The following AFAP1 variants were observed in gnomAD, a reference collection of about 807,000 sequenced individuals.
AFAP1 encodes the protein actin filament associated protein 1.
AFAP1 carries 75 observed loss-of-function variants against 93.9 expected under a neutral mutation model. That is an observed-to-expected ratio of 0.80 (90% confidence interval 0.66 to 0.97). AFAP1 has a LOEUF of 0.97. Among genes scored for constraint, AFAP1 ranks in the 50% least tolerant of loss-of-function variants. The pLI, the probability that AFAP1 is intolerant of heterozygous loss-of-function variation, is 0.00. For synonymous variants in AFAP1, 517 were observed against 430.7 expected (o/e 1.20, Z -2.48); for missense variants, 1,201 against 1,050.8 (o/e 1.14, Z -1.98).
At chr4:7,922,757 G>C (rs1300337809) in intron 1 of AFAP1, among the ~76,000 whole-genome samples, 4 of 152,176 alleles carry the variant, frequency 2.6e-5, no homozygotes, top group Non-Finnish European at 4.4e-5. Flanking sequence ...GCTGAGGTGA[G>C]AGGACTGCTT....
intron 6 of AFAP1, among the ~76,000 whole-genome samples, chr4:7,831,095 G>A (rs947383638): frequency 6.6e-6 from 1 of 152,096 alleles, no homozygotes; most frequent in Admixed American, 6.6e-5. Flanking sequence ...CTGAATCACT[G>A]GGAATCAATG....
chr4:7,869,162 GGAAAA>G (rs367925076), intron 2 of AFAP1, among the ~76,000 whole-genome samples: 44 of 151,098 alleles, frequency 2.9e-4, no homozygotes, highest in African/African-American at 5.6e-4. Flanking sequence ...AAAGGGAAAG[GGAAAA>G]GAAAAGAAAA....
intron 7 of AFAP1, 105 bp downstream of exon 7, chr4:7,818,966 CTTTTT>C (rs76083938): frequency 1.9e-6 from 2 of 1,065,548 alleles, no homozygotes; most frequent in African/African-American, 1.6e-5. Context: ...TGCACTTTTT[CTTTTT>C]TAACTGGAAG....
chr4:7,775,086 A>G, intron 14 of AFAP1, 183 bp from the exon 15 acceptor site: 1 of 660,660 alleles, frequency 1.5e-6, no homozygotes, highest in Non-Finnish European at 2.5e-6. Flanking sequence ...GGCTGCAGTG[A>G]GCTGTGATCC....
chr4:7,917,061 T>C (rs1424166286), intron 1 of AFAP1, among the ~76,000 whole-genome samples: 1 of 152,254 alleles, frequency 6.6e-6, no homozygotes, highest in Non-Finnish European at 1.5e-5. Context: ...TGCTTCTCTC[T>C]ACTGCAATTC....
At chr4:7,774,039 G>A (rs1173267713) in intron 15 of AFAP1, 1 of 152,378 alleles carries the variant, frequency 6.6e-6, no homozygotes, top group African/African-American at 2.4e-5. Flanking sequence ...TAAGGAGCCA[G>A]TCTTCCGTAG....
intron 14 of AFAP1, chr4:7,778,484 A>C: frequency 2.0e-6 from 1 of 501,024 alleles, no homozygotes; most frequent in South Asian, 2.1e-5. Flanking sequence ...CCGGAGCTGC[A>C]AGAAACCTGC....
intron 17 of AFAP1, among the ~76,000 whole-genome samples, chr4:7,768,074 C>CA (rs1294835359): frequency 6.6e-6 from 1 of 152,020 alleles, no homozygotes; most frequent in South Asian, 2.1e-4. Context: ...GGCCCTGCCT[C>CA]AAAAAAAGAA....
At position 7,903,178 on chromosome 4, in the gene AFAP1, GATTC is replaced by G. The variant is rs368127735; in HGVS notation, c.-2-31102_-2-31099del. Among the ~76,000 whole-genome samples, 74 of 152,270 alleles carry G rather than the reference GATTC, an allele frequency of 4.9e-4. No individual in the cohort carries two copies. In the South Asian group the frequency reaches 0.015, roughly 32 times the overall value. ...AAGAATAAGGTTCTTTCAGCCAATT[GATTC>G]ATTCATTCATTCAACAAATATTGAC... On this transcript the variant is annotated intron_variant, in intron 1 of 17. Transcript: ENST00000420658.
chr4:7,841,605 A>C (rs933347405), intron 5 of AFAP1, among the ~76,000 whole-genome samples: 1 of 152,176 alleles, frequency 6.6e-6, no homozygotes, highest in Non-Finnish European at 1.5e-5. Flanking sequence ...TTAAACTTGG[A>C]AAGTATTTGC....
At chr4:7,789,680 C>T (rs1007500410) in intron 11 of AFAP1, among the ~76,000 whole-genome samples, 1 of 147,438 alleles carries the variant, frequency 6.8e-6, no homozygotes, top group African/African-American at 2.5e-5. Context: ...TCCTCTTTAT[C>T]CTCACCACCC....
At chr4:7,788,030 C>A (rs12505487) in intron 11 of AFAP1, among the ~76,000 whole-genome samples, 17,323 of 152,254 alleles carry the variant, frequency 0.11, 1,212 homozygotes, top group East Asian at 0.27. Context: ...GGCAACCGCC[C>A]TGCATCTGCG....
chr4:7,938,472 C>CT (rs1721521175), intron 1 of AFAP1, among the ~76,000 whole-genome samples: 1 of 152,128 alleles, frequency 6.6e-6, no homozygotes, highest in Non-Finnish European at 1.5e-5. Context: ...AGTGATTCCA[C>CT]TTTCTTTGGT....
In AFAP1 at chr4:7,898,839, C is replaced by G. The variant is rs866733892; in HGVS notation, c.-2-26759G>C. Among the ~76,000 whole-genome samples the G allele has an allele frequency of 2.9e-3, 133 of 46,196 alleles. 1 individual carries two copies. The highest frequency in any genetic ancestry group is 0.013 in the Middle Eastern group (1 of 80). The allele number at this position is 46,196 out of a possible 152,430, so 30.3% of individuals were successfully genotyped here. On this transcript the variant is annotated intron_variant, in intron 1 of 17. Coordinates refer to ENST00000420658, the MANE Select transcript of AFAP1 (RefSeq NM_001134647.2). ...TGTGTGTGTGTGTGTGTGTGTGTGT[C>G]TATTTCATATATATGTATGTGTATA...
chr4:7,910,336 C>G (rs1719657258), intron 1 of AFAP1, among the ~76,000 whole-genome samples: 1 of 152,154 alleles, frequency 6.6e-6, no homozygotes, highest in African/African-American at 2.4e-5. Context: ...CTGGTCACTT[C>G]TCTCTGGTCT....
In AFAP1 at chr4:7,799,855, G is replaced by A. The variant is rs1198239752; in HGVS notation, c.1266+587C>T. ...GCTTTCATGAGTAAGAAATTCTAGT[G>A]AAGCAGCCAAATAAATAACAAAGCG... On this transcript the variant is annotated intron_variant, in intron 10 of 17. Transcript: ENST00000420658. Among the ~76,000 whole-genome samples, 3 of 152,118 alleles carry A rather than the reference G, an allele frequency of 2.0e-5. No homozygotes were observed. The South Asian group carries it at 6.2e-4, about 32-fold the overall frequency.
At chr4:7,825,921 C>T (rs1030479440) in intron 6 of AFAP1, among the ~76,000 whole-genome samples, 8 of 151,386 alleles carry the variant, frequency 5.3e-5, no homozygotes, top group Non-Finnish European at 1.2e-4. Context: ...GACCATCACT[C>T]CCACCCTGAC....
intron 1 of AFAP1, among the ~76,000 whole-genome samples, chr4:7,922,670 C>T (rs1720502108): frequency 6.6e-6 from 1 of 152,222 alleles, no homozygotes; most frequent in Non-Finnish European, 1.5e-5. Context: ...GCCGGGGAAC[C>T]TGTCCTTGAT....
intron 6 of AFAP1, among the ~76,000 whole-genome samples, chr4:7,822,749 T>A (rs575449763): frequency 1.2e-5 from 1 of 86,878 alleles, no homozygotes; most frequent in Non-Finnish European, 2.4e-5. Context: ...TGCGCCCGGC[T>A]AATTTTTTTT....
Sources: gnomAD v4.1 joint callset for allele counts (sites outside exome capture counted in the v4.1 genomes callset) on GRCh38, gnomAD v4.1.1 for gene constraint, MANE v1.5 for transcripts, NCBI Gene and HGNC (gene_info 2026-07-23, HGNC 2026-07-21) for gene names.